Variants in HS3ST4 observed in about 807,000 individuals in gnomAD.
The protein encoded by HS3ST4 is heparan sulfate-glucosamine 3-sulfotransferase 4, also known as heparan sulfate glucosamine 3-O-sulfotransferase 4.
HS3ST4 carries 17 observed loss-of-function variants against 29.2 expected under a neutral mutation model. The observed-to-expected ratio is 0.58, with a 90% CI of 0.40 to 0.87. The LOEUF is 0.87. Among genes scored for constraint, HS3ST4 ranks in the 40% least tolerant of loss-of-function variants. The probability of loss-of-function intolerance (pLI) is 0.00; values close to 1 mark genes in which losing one functional copy is unlikely to be tolerated. For missense variants in HS3ST4, 627 were observed against 634.5 expected (o/e 0.99, Z 0.13); for synonymous variants, 314 against 285.7 (o/e 1.10, Z -1.00).
intron 1 of HS3ST4, among the ~76,000 whole-genome samples, chr16:25,882,095 G>A (rs1967901082): frequency 6.6e-6 from 1 of 152,124 alleles, no homozygotes; most frequent in Non-Finnish European, 1.5e-5. Context: ...TCTCTTGTTG[G>A]TTTAAATGTG....
At chr16:25,796,083 C>T (rs1596573507) in intron 1 of HS3ST4, among the ~76,000 whole-genome samples, 1 of 152,176 alleles carries the variant, frequency 6.6e-6, no homozygotes. Flanking sequence ...CGGATATTTC[C>T]TCCTCAAGCC....
intron 1 of HS3ST4, among the ~76,000 whole-genome samples, chr16:25,800,064 G>GCCTTCCTTCCTTCCTT (rs375409683): frequency 6.8e-6 from 1 of 147,634 alleles, no homozygotes; most frequent in Non-Finnish European, 1.5e-5. Context: ...TTGCCTTCCT[G>GCCTTCCTTCCTTCCTT]CCTTCCTTCC....
chr16:25,814,762 T>C (rs369124865), intron 1 of HS3ST4, among the ~76,000 whole-genome samples: 1 of 152,200 alleles, frequency 6.6e-6, no homozygotes, highest in South Asian at 2.1e-4. Context: ...TGGTACCCCA[T>C]CTTTTCCACA....
At chr16:25,696,020 C>T (rs1458695577) in intron 1 of HS3ST4, among the ~76,000 whole-genome samples, 4 of 152,108 alleles carry the variant, frequency 2.6e-5, no homozygotes, top group African/African-American at 4.8e-5. Flanking sequence ...TCTCTAAATC[C>T]GGGTTTTGCT....
At chr16:25,817,316 A>T (rs1361524343) in intron 1 of HS3ST4, among the ~76,000 whole-genome samples, 1 of 152,206 alleles carries the variant, frequency 6.6e-6, no homozygotes, top group Non-Finnish European at 1.5e-5. Flanking sequence ...CTACTCCAAG[A>T]TTCTTGGACA....
chr16:25,999,822 A>AT (rs1418127721), intron 1 of HS3ST4, among the ~76,000 whole-genome samples: 6 of 115,760 alleles, frequency 5.2e-5, no homozygotes, highest in South Asian at 2.7e-4. Context: ...TTTTATATAT[A>AT]TATTTATATA....
At chr16:25,963,968 C>T (rs112469921) in intron 1 of HS3ST4, among the ~76,000 whole-genome samples, 10,608 of 152,156 alleles carry the variant, frequency 0.07, 505 homozygotes, top group Non-Finnish European at 0.094. Flanking sequence ...GTCAGGAGTT[C>T]GAGACCAGCC....
At chr16:26,048,623 T>G (rs1469132487) in intron 1 of HS3ST4, among the ~76,000 whole-genome samples, 1 of 152,052 alleles carries the variant, frequency 6.6e-6, no homozygotes, top group Non-Finnish European at 1.5e-5. Context: ...TCCCGAGAGT[T>G]TGAGACCAGC....
chr16:25,992,721 A>G (rs1969125003), intron 1 of HS3ST4, among the ~76,000 whole-genome samples: 2 of 152,244 alleles, frequency 1.3e-5, no homozygotes, highest in South Asian at 4.1e-4. Flanking sequence ...GCTAAGGGTG[A>G]AAAGCATTGT....
At chr16:25,707,362 G>A (rs537046352) in intron 1 of HS3ST4, among the ~76,000 whole-genome samples, 7 of 152,220 alleles carry the variant, frequency 4.6e-5, no homozygotes, top group South Asian at 2.1e-4. Context: ...ATCTTATTAT[G>A]AGTTGTTAAT....
At position 25,781,588 on chromosome 16, in the gene HS3ST4, T is replaced by C. The variant is rs1966852649; in HGVS notation, c.734+88437T>C. On this transcript the variant is annotated intron_variant, in intron 1 of 1. Transcript: ENST00000331351. Reference sequence around the variant, plus strand: ...CTAATTTAATCCTCACCCCTCCTTATGTGATAGGAGCTGCCGTTACCTGCA... The same window carrying C: ...CTAATTTAATCCTCACCCCTCCTTACGTGATAGGAGCTGCCGTTACCTGCA... Among the ~76,000 whole-genome samples, 5 of 152,292 alleles carry C rather than the reference T, an allele frequency of 3.3e-5. No homozygotes were observed. In the South Asian group the frequency reaches 1.0e-3, roughly 32 times the overall value.
intron 1 of HS3ST4, among the ~76,000 whole-genome samples, chr16:25,937,646 G>A (rs1314565388): frequency 6.6e-6 from 1 of 152,114 alleles, no homozygotes; most frequent in Non-Finnish European, 1.5e-5. Context: ...GATTATGATG[G>A]GCCTGAGGAC....
At chr16:26,028,140 G>A (rs117282404) in intron 1 of HS3ST4, among the ~76,000 whole-genome samples, 2,369 of 151,912 alleles carry the variant, frequency 0.016, 28 homozygotes, top group Non-Finnish European at 0.025. Context: ...GGGTGTAGTA[G>A]CAGGCGCCTG....
intron 1 of HS3ST4, among the ~76,000 whole-genome samples, chr16:25,805,358 A>T (rs1966979794): frequency 6.6e-6 from 1 of 152,200 alleles, no homozygotes; most frequent in Non-Finnish European, 1.5e-5. Context: ...GTTACTGGGC[A>T]GGTATTCTTT....
intron 1 of HS3ST4, among the ~76,000 whole-genome samples, chr16:25,866,849 A>G (rs940330987): frequency 3.3e-5 from 5 of 152,018 alleles, no homozygotes; most frequent in South Asian, 2.1e-4. Flanking sequence ...ACATTTGCCT[A>G]TTTTTTAAAA....
At chr16:26,103,083 A>G (rs1047911157) in intron 1 of HS3ST4, among the ~76,000 whole-genome samples, 4 of 152,156 alleles carry the variant, frequency 2.6e-5, no homozygotes, top group Non-Finnish European at 5.9e-5. Context: ...TCACATGACC[A>G]TATCTGATTG....
intron 1 of HS3ST4, among the ~76,000 whole-genome samples, chr16:25,719,655 A>G (rs939672721): frequency 3.9e-5 from 6 of 152,224 alleles, no homozygotes; most frequent in Admixed American, 3.9e-4. Context: ...TCTGGGCATC[A>G]TATGCTAGCA....
chr16:25,889,147 T>C (rs1054101839), intron 1 of HS3ST4, among the ~76,000 whole-genome samples: 3 of 152,328 alleles, frequency 2.0e-5, no homozygotes, highest in African/African-American at 7.2e-5. Context: ...AAGTCGAATG[T>C]GAAATTGATT....
At chr16:26,103,552 C>T (rs1363314991) in intron 1 of HS3ST4, among the ~76,000 whole-genome samples, 1 of 152,132 alleles carries the variant, frequency 6.6e-6, no homozygotes, top group Non-Finnish European at 1.5e-5. Context: ...CCACCCTACT[C>T]CCTACAGCCC....
Sources: gnomAD v4.1 joint callset for allele counts (sites outside exome capture counted in the v4.1 genomes callset) on GRCh38, gnomAD v4.1.1 for gene constraint, MANE v1.5 for transcripts, NCBI Gene and HGNC (gene_info 2026-07-23, HGNC 2026-07-21) for gene names.